Variants in RUNDC1 observed in about 807,000 individuals in gnomAD.
RUNDC1 encodes RUN domain containing 1, also known as RUN domain-containing protein 1.
RUNDC1 carries 31 observed loss-of-function variants against 49.3 expected under a neutral mutation model. That is an observed-to-expected ratio of 0.63 (90% CI 0.47 to 0.85). The LOEUF (loss-of-function observed/expected upper bound fraction) is 0.85. Ranked by LOEUF, RUNDC1 falls within the 40% of genes least tolerant of loss-of-function variation. RUNDC1 has a pLI of 0.00. For synonymous variants in RUNDC1, 347 were observed against 348.6 expected (o/e 1.00, Z 0.05); for missense variants, 715 against 806.7 (o/e 0.89, Z 1.38).
intron 1 of RUNDC1, 32 bp from the exon 2 acceptor site, chr17:42,987,224 G>A (rs758488749): frequency 1.9e-6 from 3 of 1,602,768 alleles, no homozygotes; most frequent in South Asian, 1.1e-5. Context: ...CCCTTTGCCT[G>A]CATAATAGAC....
chr17:42,993,780 C>T lies in RUNDC1; in HGVS notation c.*2064C>T, dbSNP rs957127806. On this transcript the variant is annotated 3_prime_UTR_variant, in exon 5 of 5. Transcript: ENST00000361677. The stretch of plus-strand genomic sequence containing the variant: ...CCTGAAAAAATTCACTAAAAAGTCC[C>T]CTTGGCATGACCATCTCCTCCTGCC... 7.9e-5 allele frequency: 12 copies of T among 152,154 alleles called. No individual in the cohort carries two copies. The highest frequency in any genetic ancestry group is 2.4e-4 in the African/African-American group (10 of 41,424). The allele number at this position is 152,154 out of a possible 1,614,324, so 9.4% of individuals were successfully genotyped here. A position where few individuals can be genotyped will look rare whatever the true frequency, so the allele number is the denominator to read the frequency against.
rs1225992271 is a variant in RUNDC1, at chr17:42,991,775, T to G, written c.*59T>G. 32 of 1,504,246 alleles carry G rather than the reference T, an allele frequency of 2.1e-5. No individual in the cohort carries two copies. The highest frequency in any genetic ancestry group is 1.4e-5 in the African/African-American group (1 of 72,376). The allele number at this position is 1,504,246 out of a possible 1,614,324, so 93.2% of individuals were successfully genotyped here. On this transcript the variant is annotated 3_prime_UTR_variant, in exon 5 of 5. Coordinates refer to ENST00000361677, the MANE Select transcript of RUNDC1 (RefSeq NM_173079.5). ...TCAGTAGGGATAGATGTGCTAGTCT[T>G]CTAGCATAGGAGCAAGGAATCAGAG...
intron 2 of RUNDC1, among the ~76,000 whole-genome samples, chr17:42,989,055 A>G (rs1289694962): frequency 1.3e-5 from 2 of 152,032 alleles, no homozygotes; most frequent in African/African-American, 4.8e-5. Flanking sequence ...GCCACTTTGG[A>G]TTTTTCATAC....
chr17:42,988,136 G>T (rs2050193651), intron 2 of RUNDC1, among the ~76,000 whole-genome samples: 1 of 152,092 alleles, frequency 6.6e-6, no homozygotes, highest in African/African-American at 2.4e-5. Flanking sequence ...ATTTATTTAG[G>T]TAAGACCTGG....
In RUNDC1 at chr17:42,980,731, G is replaced by C; in HGVS notation, c.155G>C (p.Gly52Ala). The change falls in exon 1 of 5, where the codon GGG (glycine) becomes GCG (alanine). Residue 52 changes from glycine to alanine, a missense_variant. This residue lies in a region of RUNDC1 where 153 missense variants were observed against 139.4 expected (regional missense o/e 1.10). Coordinates refer to ENST00000361677, the MANE Select transcript of RUNDC1 (RefSeq NM_173079.5). Reference sequence around the variant, plus strand: ...GGGGCGGTGGCGGAGGCCCGGCCTGGGGCAACCGCGTTTTTAGAAGAGGCG... The same window carrying C: ...GGGGCGGTGGCGGAGGCCCGGCCTGCGGCAACCGCGTTTTTAGAAGAGGCG... ...PVGAVAEARPGATAFLEEATA... is the reference protein window; with the variant it reads ...PVGAVAEARPAATAFLEEATA... 6.5e-7 allele frequency: 1 copy of C among 1,531,772 alleles called. No individual in the cohort carries two copies. The highest frequency in any genetic ancestry group is 8.7e-7 in the Non-Finnish European group (1 of 1,143,002). 94.9% of individuals were successfully genotyped at this position (1,531,772 alleles called of 1,614,324 possible).
chr17:42,987,232 G>T, intron 1 of RUNDC1, 24 bp from the exon 2 acceptor site: 1 of 1,610,866 alleles, frequency 6.2e-7, no homozygotes, highest in South Asian at 1.1e-5. Flanking sequence ...CTGCATAATA[G>T]ACCCAATTAT....
In RUNDC1 at chr17:42,986,086, A is replaced by G. The variant is rs779074677; in HGVS notation, c.499-1170A>G. Among the ~76,000 whole-genome samples, 18 of 151,660 alleles carry G rather than the reference A, an allele frequency of 1.2e-4. No individual in the cohort carries two copies. In the Middle Eastern group the frequency reaches 0.014, roughly 117 times the overall value. On this transcript the variant is annotated intron_variant, in intron 1 of 4. Coordinates refer to ENST00000361677, the MANE Select transcript of RUNDC1 (RefSeq NM_173079.5). ...GAAAACAAAGCTCAATGCAGCCTCAACCTCCTAGACTCAAGCCATCATCTT... is the reference window on the plus strand; with the variant it reads ...GAAAACAAAGCTCAATGCAGCCTCAGCCTCCTAGACTCAAGCCATCATCTT...
chr17:42,994,398 A>G lies in RUNDC1; in HGVS notation c.*2682A>G, dbSNP rs117390055. On this transcript the variant is annotated 3_prime_UTR_variant, in exon 5 of 5. Coordinates refer to ENST00000361677, the MANE Select transcript of RUNDC1 (RefSeq NM_173079.5). ...CCCACTTTACAGCTGAGGAAACTGA[A>G]CTGCAGAGAGGTTAAATATTTTGTC... 9.6e-3 allele frequency among the ~76,000 whole-genome samples: 1,465 copies of G among 152,332 alleles called. 54 individuals carry two copies. Among genetic ancestry groups the G allele is most frequent in the Admixed American group, 0.062 (949 of 15,292 alleles).
At position 42,980,801 on chromosome 17, in the gene RUNDC1, G is replaced by C; in HGVS notation, c.225G>C (p.Ser75=). 1 of 1,392,148 alleles carries C rather than the reference G, an allele frequency of 7.2e-7. No individual in the cohort carries two copies. The highest frequency in any genetic ancestry group is 9.2e-7 in the Non-Finnish European group (1 of 1,084,916). The allele number at this position is 1,392,148 out of a possible 1,614,324, so 86.2% of individuals were successfully genotyped here. ...PGAAPGSPPD[S]PGRTLRRLRA... ...CGGCCCCGGGCTCCCCGCCGGATTCGCCGGGCCGGACGCTGCGGCGGCTGC... is the reference window on the plus strand; with the variant it reads ...CGGCCCCGGGCTCCCCGCCGGATTCCCCGGGCCGGACGCTGCGGCGGCTGC... The change falls in exon 1 of 5, where the codon TCG becomes TCC. Residue 75 remains serine (S), a synonymous_variant. Transcript: ENST00000361677.
chr17:42,990,580 A>C, intron 4 of RUNDC1, 144 bp downstream of exon 4: 1 of 908,256 alleles, frequency 1.1e-6, no homozygotes, highest in Non-Finnish European at 1.6e-6. Flanking sequence ...GAAATATTCT[A>C]AAATTGATTG....
chr17:42,990,682 A>G (rs972189856), intron 4 of RUNDC1, among the ~76,000 whole-genome samples, 169 bp from the exon 5 acceptor site: 2 of 152,210 alleles, frequency 1.3e-5, no homozygotes, highest in Non-Finnish European at 2.9e-5. Context: ...TTATATCTCA[A>G]TACAGCTATT....
intron 1 of RUNDC1, chr17:42,985,562 G>A (rs985650062): frequency 1.2e-5 from 4 of 337,738 alleles, no homozygotes; most frequent in Non-Finnish European, 1.7e-5. Flanking sequence ...CAAGAGGATT[G>A]CATTTTAAAT....
At chr17:42,990,723 C>T in intron 4 of RUNDC1, 128 bp from the exon 5 acceptor site, 1 of 1,105,174 alleles carries the variant, frequency 9.0e-7, no homozygotes, top group Non-Finnish European at 1.3e-6. Flanking sequence ...CCAGCTACAT[C>T]CTGGGTGGCT....
rs1410984709 is a variant in RUNDC1 at position 42,992,746 on chromosome 17, TCTAAGA to T, written c.*1034_*1039del. 6.6e-6 allele frequency: 1 copy of T among 152,176 alleles called. No homozygotes were observed. The highest frequency in any genetic ancestry group is 2.4e-5 in the African/African-American group (1 of 41,446). 9.4% of individuals were successfully genotyped at this position (152,176 alleles called of 1,614,324 possible). ...GGAGACTATATATTCCATGGCTGCC[TCTAAGA>T]CTAGGAATAGGAATATCTGAAAACA... On this transcript the variant is annotated 3_prime_UTR_variant, in exon 5 of 5. Coordinates refer to ENST00000361677, the MANE Select transcript of RUNDC1 (RefSeq NM_173079.5).
chr17:42,989,290 C>T, intron 2 of RUNDC1, 51 bp from the exon 3 acceptor site: 1 of 1,381,698 alleles, frequency 7.2e-7, no homozygotes, highest in Non-Finnish European at 1.0e-6. Flanking sequence ...CCTTCCTAAC[C>T]CTCTCCCTAA....
chr17:42,981,838 C>CATCA (rs1241249083), intron 1 of RUNDC1: 2 of 152,042 alleles, frequency 1.3e-5, no homozygotes, highest in Non-Finnish European at 2.9e-5. Flanking sequence ...ATGAGGTCCT[C>CATCA]TGATAACTGA....
intron 1 of RUNDC1, among the ~76,000 whole-genome samples, chr17:42,982,904 T>C (rs924400381): frequency 1.3e-5 from 2 of 151,114 alleles, no homozygotes; most frequent in African/African-American, 4.9e-5. Flanking sequence ...GGAGAATCGC[T>C]TGAACCTGGG....
chr17:42,980,971 G>A lies in RUNDC1; in HGVS notation c.395G>A (p.Arg132His). ...CGGGAGCTCGAAGACTTCGCCTTCC[G>A]CGGCTGCCCTCACGTCCTAGGTTAC... ...LLRELEDFAF[R>H]GCPHVLGYEG... The change falls in exon 1 of 5, where the codon CGC becomes CAC. Residue 132 changes from arginine to histidine, a missense_variant. Physicochemically the swap from Arg to His is conservative, Grantham distance 29. Transcript: ENST00000361677. The A allele has an allele frequency of 6.5e-7, 1 of 1,542,876 alleles. No individual in the cohort carries two copies. Among genetic ancestry groups the A allele is most frequent in the Non-Finnish European group, 8.7e-7 (1 of 1,150,488 alleles).
rs1273398453 is a variant in RUNDC1 at position 42,987,281 on chromosome 17, T to A, written c.524T>A (p.Leu175Gln). 6.2e-7 allele frequency: 1 copy of A among 1,614,064 alleles called. No individual in the cohort carries two copies. Among genetic ancestry groups the A allele is most frequent in the Admixed American group, 1.7e-5 (1 of 59,990 alleles). Residue 175 changes from leucine (L) to glutamine (Q), a missense_variant, in exon 2 of 5, where the codon CTG becomes CAG. Transcript: ENST00000361677. ...AGTGAGCAGGAAAAGCAAGAGCGTC[T>A]GGAAACCCAAAGGGAGAAGCAGAAA... is the stretch of plus-strand genomic sequence containing the variant. ...DQSEQEKQER[L>Q]ETQREKQKEL...
Sources: allele counts gnomAD v4.1 joint callset (sites outside exome capture counted in the v4.1 genomes callset), GRCh38; gene constraint gnomAD v4.1.1; regional missense constraint gnomAD v4.1.1; transcripts MANE v1.5; gene names NCBI Gene and HGNC (gene_info 2026-07-23, HGNC 2026-07-21).